The following CHCHD3 variants were observed in gnomAD, a reference collection of about 807,000 sequenced individuals.
CHCHD3 encodes MICOS complex subunit MIC19.
In CHCHD3, 20 loss-of-function variants were observed where a neutral mutation model predicts 38.2. That is an observed-to-expected ratio of 0.52 (90% confidence interval 0.37 to 0.76). CHCHD3 has a LOEUF of 0.76. Among genes scored for constraint, CHCHD3 ranks in the 30% least tolerant of loss-of-function variants. The probability of loss-of-function intolerance (pLI) is 0.00; values close to 1 mark genes in which losing one functional copy is unlikely to be tolerated. For missense variants in CHCHD3, 245 were observed against 279.2 expected (o/e 0.88, Z 0.87); for synonymous variants, 82 against 100.0 (o/e 0.82, Z 1.07).
intron 6 of CHCHD3, among the ~76,000 whole-genome samples, chr7:132,798,447 C>T (rs1806678117): frequency 6.6e-6 from 1 of 152,086 alleles, no homozygotes; most frequent in African/African-American, 2.4e-5. Context: ...AGAGTATAGG[C>T]ACAGATACCA....
intron 4 of CHCHD3, among the ~76,000 whole-genome samples, chr7:132,889,035 A>C (rs562458717): frequency 6.6e-6 from 1 of 152,100 alleles, no homozygotes; most frequent in Non-Finnish European, 1.5e-5. Context: ...TACTTCTGTG[A>C]TCAGAAAAAA....
chr7:133,055,387 TTA>T (rs1437428490), intron 2 of CHCHD3, among the ~76,000 whole-genome samples: 1 of 145,210 alleles, frequency 6.9e-6, no homozygotes, highest in Non-Finnish European at 1.5e-5. Flanking sequence ...TATAATTATG[TTA>T]TATAATTATA....
intron 3 of CHCHD3, among the ~76,000 whole-genome samples, chr7:132,978,839 T>C (rs889092070): frequency 6.6e-6 from 1 of 152,210 alleles, no homozygotes; most frequent in African/African-American, 2.4e-5. Flanking sequence ...AAAAGAATAT[T>C]ATTTTCCTTT....
At chr7:133,047,179 TG>T (rs537523367) in intron 2 of CHCHD3, among the ~76,000 whole-genome samples, 217 of 152,306 alleles carry the variant, frequency 1.4e-3, no homozygotes, top group Non-Finnish European at 2.5e-3. Context: ...ACACAGTCAA[TG>T]GGACTTCTTT....
chr7:132,969,391 A>C (rs910504158), intron 4 of CHCHD3, among the ~76,000 whole-genome samples: 2 of 152,170 alleles, frequency 1.3e-5, no homozygotes, highest in Non-Finnish European at 2.9e-5. Context: ...AGGGACAAAA[A>C]TACCTAATGA....
intron 2 of CHCHD3, among the ~76,000 whole-genome samples, chr7:133,047,874 G>A (rs1319226501): frequency 6.6e-6 from 1 of 152,112 alleles, no homozygotes; most frequent in African/African-American, 2.4e-5. Flanking sequence ...GATCACCAGA[G>A]GTCGGGAGTT....
At chr7:133,005,937 T>C (rs1812687010) in intron 3 of CHCHD3, among the ~76,000 whole-genome samples, 1 of 152,364 alleles carries the variant, frequency 6.6e-6, no homozygotes, top group Non-Finnish European at 1.5e-5. Context: ...TTCCCAGCTA[T>C]ATCATATCTC....
chr7:132,790,686 G>C (rs1806436339), intron 7 of CHCHD3, among the ~76,000 whole-genome samples: 1 of 152,174 alleles, frequency 6.6e-6, no homozygotes, highest in South Asian at 2.1e-4. Flanking sequence ...CTCCTGGGGG[G>C]CTTCCCAGAA....
At position 132,955,733 on chromosome 7, in the gene CHCHD3, G is replaced by A. The variant is rs1035921432; in HGVS notation, c.369+19436C>T. Among the ~76,000 whole-genome samples, 3 of 152,096 alleles carry A rather than the reference G, an allele frequency of 2.0e-5. No homozygotes were observed. The South Asian group carries it at 6.2e-4, about 32-fold the overall frequency. ...AATGCAATGAGGTCTTGGAGTGAGG[G>A]GAAGAGATTGGCTCAATTCTGATTC... On this transcript the variant is annotated intron_variant, in intron 4 of 7. Coordinates refer to ENST00000262570, the MANE Select transcript of CHCHD3 (RefSeq NM_017812.4).
At chr7:132,791,298 A>C (rs1379332484) in intron 7 of CHCHD3, among the ~76,000 whole-genome samples, 6 of 152,198 alleles carry the variant, frequency 3.9e-5, no homozygotes, top group Non-Finnish European at 8.8e-5. Context: ...CTGACACGAC[A>C]GGAAAAATAC....
chr7:132,871,085 T>C (rs1392325806), intron 5 of CHCHD3, among the ~76,000 whole-genome samples: 1 of 152,224 alleles, frequency 6.6e-6, no homozygotes, highest in Non-Finnish European at 1.5e-5. Context: ...ATAATTACAG[T>C]GTCCATTTGG....
chr7:133,038,028 A>G (rs1813727695), intron 2 of CHCHD3, among the ~76,000 whole-genome samples: 1 of 152,204 alleles, frequency 6.6e-6, no homozygotes, highest in Admixed American at 6.5e-5. Flanking sequence ...ACCTTTATCA[A>G]TTCAATCATG....
At chr7:133,042,475 T>C (rs1813860457) in intron 2 of CHCHD3, among the ~76,000 whole-genome samples, 1 of 152,198 alleles carries the variant, frequency 6.6e-6, no homozygotes, top group Non-Finnish European at 1.5e-5. Flanking sequence ...CCCAGAAAGA[T>C]GTAGGGAGCT....
At chr7:132,888,072 C>G (rs1809260467) in intron 4 of CHCHD3, among the ~76,000 whole-genome samples, 1 of 150,874 alleles carries the variant, frequency 6.6e-6, no homozygotes, top group Admixed American at 6.6e-5. Flanking sequence ...TCAAAGTATA[C>G]CACTTAAAAA....
At chr7:133,064,591 T>C (rs1263432655) in intron 2 of CHCHD3, among the ~76,000 whole-genome samples, 3 of 152,220 alleles carry the variant, frequency 2.0e-5, no homozygotes, top group Admixed American at 1.3e-4. Flanking sequence ...TATACATGAA[T>C]CTGTTTCCCA....
intron 4 of CHCHD3, among the ~76,000 whole-genome samples, chr7:132,966,859 G>C (rs189437947): frequency 1.3e-5 from 2 of 152,308 alleles, no homozygotes; most frequent in East Asian, 3.9e-4. Flanking sequence ...AATACCAAGG[G>C]CTGTATTTCT....
intron 6 of CHCHD3, among the ~76,000 whole-genome samples, chr7:132,800,667 T>G (rs1291263331): frequency 6.6e-6 from 1 of 152,168 alleles, no homozygotes; most frequent in Non-Finnish European, 1.5e-5. Flanking sequence ...TAGAGGACAC[T>G]GAAGTCACTC....
chr7:133,039,824 T>C (rs1444716324), intron 2 of CHCHD3, among the ~76,000 whole-genome samples: 1 of 152,142 alleles, frequency 6.6e-6, no homozygotes, highest in Non-Finnish European at 1.5e-5. Context: ...CAGTTAGGAA[T>C]AGCCTAGTGA....
chr7:132,954,781 C>A (rs556779704), intron 4 of CHCHD3, among the ~76,000 whole-genome samples: 3 of 152,128 alleles, frequency 2.0e-5, no homozygotes, highest in Non-Finnish European at 2.9e-5. Context: ...TCTGTATGCA[C>A]TCGACGTCCC....
Sources: gnomAD v4.1 joint callset for allele counts (sites outside exome capture counted in the v4.1 genomes callset) on GRCh38, gnomAD v4.1.1 for gene constraint, MANE v1.5 for transcripts, NCBI Gene and HGNC (gene_info 2026-07-23, HGNC 2026-07-21) for gene names.